Variants in RIC1 observed in about 807,000 individuals in gnomAD.
RIC1 encodes RIC1 partner of RAB6A GEF complex.
A neutral mutation model predicts 169.0 loss-of-function variants in RIC1; 88 were observed. The observed-to-expected ratio is 0.52, with a 90% CI of 0.44 to 0.62. The LOEUF (loss-of-function observed/expected upper bound fraction) is 0.62, where lower values mean the gene tolerates loss of function less well. RIC1 is among the 20% of genes least tolerant of loss of function. The pLI is 0.00. For missense variants in RIC1, 1,877 were observed against 1,725.5 expected (o/e 1.09, Z -1.56); for synonymous variants, 790 against 601.5 (o/e 1.31, Z -4.59).
chr9:5,726,184 G>A (rs1823968873), intron 6 of RIC1, among the ~76,000 whole-genome samples: 1 of 152,168 alleles, frequency 6.6e-6, no homozygotes, highest in African/African-American at 2.4e-5. Context: ...TTGTGTGGGA[G>A]TCTAAGTCTC....
At chr9:5,762,181 C>T (rs1249963994) in intron 17 of RIC1, among the ~76,000 whole-genome samples, 2 of 152,232 alleles carry the variant, frequency 1.3e-5, no homozygotes, top group African/African-American at 2.4e-5. Context: ...ATGTCTTCCT[C>T]ATCTGTCAGG....
intron 7 of RIC1, among the ~76,000 whole-genome samples, 155 bp downstream of exon 7, chr9:5,732,634 T>C (rs1047772418): frequency 1.3e-5 from 2 of 152,170 alleles, no homozygotes; most frequent in African/African-American, 4.8e-5. Flanking sequence ...AAAAGTATTT[T>C]ATTAGATTGA....
intron 6 of RIC1, among the ~76,000 whole-genome samples, chr9:5,722,036 GCA>G: frequency 6.6e-6 from 1 of 151,628 alleles, no homozygotes; most frequent in Admixed American, 6.6e-5. Flanking sequence ...TTACAGGCAT[GCA>G]CCACCACGCC....
At chr9:5,639,628 G>A (rs1440268348) in intron 1 of RIC1, among the ~76,000 whole-genome samples, 2 of 152,170 alleles carry the variant, frequency 1.3e-5, no homozygotes, top group African/African-American at 2.4e-5. Flanking sequence ...GATTAAGTCC[G>A]ATGTTTCTTT....
chr9:5,666,398 G>A (rs1162748070), intron 2 of RIC1, among the ~76,000 whole-genome samples: 1 of 151,872 alleles, frequency 6.6e-6, no homozygotes, highest in Non-Finnish European at 1.5e-5. Context: ...TTGTTTAATT[G>A]CTCTTGGTGG....
intron 11 of RIC1, among the ~76,000 whole-genome samples, chr9:5,746,982 G>T (rs1323049082): frequency 7.9e-5 from 12 of 152,100 alleles, no homozygotes; most frequent in African/African-American, 2.9e-4. Flanking sequence ...TGTCAAGCCA[G>T]CATTTGGACT....
chr9:5,742,702 C>G (rs1051760857), intron 8 of RIC1, among the ~76,000 whole-genome samples, 167 bp from the exon 9 acceptor site: 8 of 150,220 alleles, frequency 5.3e-5, no homozygotes, highest in Admixed American at 4.7e-4. Flanking sequence ...AACTAATGGC[C>G]TTACTAACTT....
chr9:5,737,722 T>G (rs1226963880), intron 7 of RIC1, among the ~76,000 whole-genome samples: 1 of 151,686 alleles, frequency 6.6e-6, no homozygotes, highest in Non-Finnish European at 1.5e-5. Flanking sequence ...GACTTTTAAC[T>G]ACTAATAGCA....
chr9:5,732,461 T>TG lies in RIC1; in HGVS notation c.796dup (p.Ala266GlyfsTer16), dbSNP rs1436682415. 1.2e-6 allele frequency: 2 copies of TG among 1,610,864 alleles called. No homozygotes were observed. Among genetic ancestry groups the TG allele is most frequent in the Non-Finnish European group, 1.7e-6 (2 of 1,178,326 alleles). ...GCAGTAAATAACAAGTATCGACTAA[T>TG]GGCATTTGGCTGTGTGAGGTATAAT... On this transcript the variant is annotated frameshift_variant, in exon 7 of 26. Transcript: ENST00000414202. LOFTEE classifies it high-confidence loss of function.
intron 1 of RIC1, among the ~76,000 whole-genome samples, chr9:5,656,233 A>C (rs1034747117): frequency 8.5e-5 from 13 of 152,154 alleles, no homozygotes; most frequent in Non-Finnish European, 1.6e-4. Context: ...CTGGACTCAA[A>C]ATTAGGAAGT....
intron 1 of RIC1, among the ~76,000 whole-genome samples, chr9:5,653,968 A>G (rs1818946997): frequency 6.6e-6 from 1 of 152,140 alleles, no homozygotes; most frequent in African/African-American, 2.4e-5. Context: ...AGATAAACGT[A>G]TTGTGTTACA....
chr9:5,734,632 C>A (rs1258367376), intron 7 of RIC1, among the ~76,000 whole-genome samples: 1 of 152,128 alleles, frequency 6.6e-6, no homozygotes, highest in Non-Finnish European at 1.5e-5. Flanking sequence ...AAACACCCAT[C>A]TCTTCACAAC....
At chr9:5,758,271 C>A (rs1176847780) in intron 17 of RIC1, among the ~76,000 whole-genome samples, 1 of 152,176 alleles carries the variant, frequency 6.6e-6, no homozygotes, top group East Asian at 1.9e-4. Flanking sequence ...GCATAACTTT[C>A]TATTTCAGTG....
At chr9:5,646,595 G>GTA (rs1432378052) in intron 1 of RIC1, among the ~76,000 whole-genome samples, 1 of 152,148 alleles carries the variant, frequency 6.6e-6, no homozygotes, top group African/African-American at 2.4e-5. Context: ...GAGCAATAGG[G>GTA]TATACCTTAT....
Position 5,732,317 on chromosome 9 carries a change from G to A in RIC1, c.721-71G>A, listed in dbSNP as rs570307868. ...ATTATGAAATTGTATGTTTATTGAA[G>A]GAGAATTATATTGACTACGGTAAAT... On this transcript the variant is annotated intron_variant, in intron 6 of 25. Coordinates refer to ENST00000414202, the MANE Select transcript of RIC1 (RefSeq NM_020829.4). The A allele has an allele frequency of 7.4e-5, 85 of 1,144,054 alleles. 2 individuals are homozygous for A. The highest frequency in any genetic ancestry group is 7.0e-4 in the South Asian group (50 of 71,940). The allele number at this position is 1,144,054 out of a possible 1,614,324, so 70.9% of individuals were successfully genotyped here.
intron 21 of RIC1, among the ~76,000 whole-genome samples, chr9:5,767,487 T>TC (rs961687723): frequency 7.9e-5 from 12 of 151,792 alleles, no homozygotes; most frequent in African/African-American, 2.9e-4. Context: ...CTCTTTTTTT[T>TC]TTTTTCCCCA....
Position 5,774,132 on chromosome 9 carries a change from C to T in RIC1, c.4158C>T (p.Ile1386=), listed in dbSNP as rs763379165. ...GGGGCTCCTCCAGCCATGGAAGCAT[C>T]CCCCAGGGTGAAGTTGGAAGCAGCA... is the stretch of plus-strand genomic sequence containing the variant. The part of the protein sequence containing the change: ...ESRGSSSHGS[I]PQGEVGSSNM... The change falls in exon 26 of 26, where the codon ATC becomes ATT. Residue 1386 remains isoleucine, a synonymous_variant. Coordinates refer to ENST00000414202, the MANE Select transcript of RIC1 (RefSeq NM_020829.4). 1 of 1,613,984 alleles carries T rather than the reference C, an allele frequency of 6.2e-7. No individual in the cohort carries two copies. The highest frequency in any genetic ancestry group is 8.5e-7 in the Non-Finnish European group (1 of 1,179,980).
intron 4 of RIC1, chr9:5,719,046 T>C (rs1243853019): frequency 6.6e-6 from 1 of 152,226 alleles, no homozygotes; most frequent in East Asian, 1.9e-4. Context: ...TTTAATAGTA[T>C]TTAATAGGGT....
rs540539369 is a variant in RIC1, at chr9:5,717,776, T to G, written c.441-2406T>G. On this transcript the variant is annotated intron_variant, in intron 4 of 25. Transcript: ENST00000414202. ...AGGAGAATCCCGGGAGGCGGAGGTT[T>G]CAGTGAGCTGAGATCGCGCCACTGC... Among the ~76,000 whole-genome samples the G allele has an allele frequency of 5.1e-3, 762 of 149,296 alleles. 7 individuals carry two copies. The highest frequency in any genetic ancestry group is 0.018 in the African/African-American group (724 of 40,364).
Sources: gnomAD v4.1 joint callset for allele counts (sites outside exome capture counted in the v4.1 genomes callset) on GRCh38, gnomAD v4.1.1 for gene constraint, MANE v1.5 for transcripts, NCBI Gene and HGNC (gene_info 2026-07-23, HGNC 2026-07-21) for gene names.